The following AGMO variants were observed in gnomAD, a reference collection of about 807,000 sequenced individuals.
AGMO encodes the protein alkylglycerol monooxygenase.
Under a neutral mutation model 60.2 loss-of-function variants are expected in AGMO, and 75 were observed. That is an observed-to-expected ratio of 1.25 (90% CI 1.03 to 1.51). The LOEUF is 1.51. Ranked by LOEUF, AGMO falls within the 40% of genes most tolerant of loss-of-function variation. The pLI is 0.00. For missense variants in AGMO, 763 were observed against 525.5 expected (o/e 1.45, Z -4.42); for synonymous variants, 261 against 177.1 (o/e 1.47, Z -3.76).
At chr7:15,339,841 C>T (rs1209971511) in intron 12 of AGMO, among the ~76,000 whole-genome samples, 1 of 152,168 alleles carries the variant, frequency 6.6e-6, no homozygotes, top group Non-Finnish European at 1.5e-5. Flanking sequence ...TTTTTTAAAT[C>T]AAGTATCAAT....
intron 2 of AGMO, among the ~76,000 whole-genome samples, chr7:15,557,163 C>G (rs747530680): frequency 3.3e-5 from 5 of 151,944 alleles, no homozygotes; most frequent in Admixed American, 6.6e-5. Flanking sequence ...GGTTTTTCTT[C>G]AAAGTCTGCA....
intron 12 of AGMO, among the ~76,000 whole-genome samples, chr7:15,247,210 A>G (rs1782766906): frequency 6.6e-6 from 1 of 152,194 alleles, no homozygotes; most frequent in Admixed American, 6.5e-5. Flanking sequence ...GATGTTTATC[A>G]ATACTAATAA....
At chr7:15,358,221 T>C (rs1356888662) in intron 12 of AGMO, 1 of 199,954 alleles carries the variant, frequency 5.0e-6, no homozygotes, top group African/African-American at 2.4e-5. Flanking sequence ...GAATTGTCAG[T>C]GCACATTTAA....
At chr7:15,411,492 G>A (rs950259430) in intron 5 of AGMO, among the ~76,000 whole-genome samples, 17 of 151,986 alleles carry the variant, frequency 1.1e-4, no homozygotes, top group Admixed American at 1.1e-3. Context: ...TTAATGAAAT[G>A]ATTTACTTAT....
intron 6 of AGMO, 99 bp downstream of exon 6, chr7:15,394,014 T>C (rs1010499442): frequency 6.2e-6 from 5 of 811,782 alleles, no homozygotes; most frequent in East Asian, 6.1e-5. Flanking sequence ...AAATGTGTGC[T>C]GACTATATTG....
At chr7:15,247,414 TCACACACACACACACACA>T (rs71525649) in intron 12 of AGMO, among the ~76,000 whole-genome samples, 22 of 123,742 alleles carry the variant, frequency 1.8e-4, no homozygotes, top group Non-Finnish European at 2.8e-4. Flanking sequence ...CTTGGAGATT[TCACACACACACACACACA>T]CACACACACA....
chr7:15,298,892 C>A (rs1784476408), intron 12 of AGMO, among the ~76,000 whole-genome samples: 1 of 152,116 alleles, frequency 6.6e-6, no homozygotes, highest in South Asian at 2.1e-4. Context: ...CCCTCTAATT[C>A]ATCACTCTTT....
In AGMO at chr7:15,389,522, A is replaced by C. The variant is rs146433017; in HGVS notation, c.822+1149T>G. On this transcript the variant is annotated intron_variant, in intron 8 of 12. Transcript: ENST00000342526. ...AAATGCCATATAGTTGAGAAGAAAG[A>C]AGAGAGATAACCACCTTTCTTCTTT... is the stretch of plus-strand genomic sequence containing the variant. Among the ~76,000 whole-genome samples, 774 of 152,342 alleles carry C rather than the reference A, an allele frequency of 5.1e-3. 2 individuals carry two copies. Among genetic ancestry groups the C allele is most frequent in the African/African-American group, 0.01 (422 of 41,586 alleles).
intron 3 of AGMO, among the ~76,000 whole-genome samples, chr7:15,432,697 T>C (rs1269937894): frequency 2.6e-5 from 4 of 151,846 alleles, no homozygotes; most frequent in Non-Finnish European, 5.9e-5. Context: ...TTTTAATCAT[T>C]TGTAGGAAAG....
At chr7:15,350,638 G>A (rs570048808) in intron 12 of AGMO, among the ~76,000 whole-genome samples, 1 of 152,234 alleles carries the variant, frequency 6.6e-6, no homozygotes, top group South Asian at 2.1e-4. Flanking sequence ...AAAAGAGCTG[G>A]AATTTGTTCC....
At chr7:15,532,372 T>C (rs1784391751) in intron 3 of AGMO, among the ~76,000 whole-genome samples, 2 of 152,232 alleles carry the variant, frequency 1.3e-5, no homozygotes, top group Non-Finnish European at 2.9e-5. Flanking sequence ...ATTAAGGCTC[T>C]GGTGCATTAG....
intron 12 of AGMO, among the ~76,000 whole-genome samples, chr7:15,212,444 C>T (rs879517053): frequency 5.3e-5 from 8 of 151,806 alleles, no homozygotes; most frequent in Non-Finnish European, 7.4e-5. Context: ...GTGAGTAATA[C>T]GGCCCTGAGT....
At chr7:15,330,663 T>C (rs1781472032) in intron 12 of AGMO, among the ~76,000 whole-genome samples, 1 of 152,172 alleles carries the variant, frequency 6.6e-6, no homozygotes. Flanking sequence ...GAGAAATACA[T>C]TCTTACATAC....
the AGMO span, among the ~76,000 whole-genome samples, chr7:15,177,836 A>G: frequency 6.6e-6 from 1 of 151,938 alleles, no homozygotes; most frequent in Non-Finnish European, 1.5e-5. Flanking sequence ...CTATTGGGGG[A>G]TTGTTAAAAG....
intron 2 of AGMO, among the ~76,000 whole-genome samples, chr7:15,546,017 C>T (rs1404584094): frequency 1.3e-5 from 2 of 151,868 alleles, no homozygotes; most frequent in African/African-American, 4.8e-5. Flanking sequence ...ATTATACTAC[C>T]AAAATTTTTT....
chr7:15,179,405 C>G, the AGMO span, among the ~76,000 whole-genome samples: 8 of 152,136 alleles, frequency 5.3e-5, no homozygotes, highest in Admixed American at 5.2e-4. Context: ...AATAGACATT[C>G]CCATTCTGAA....
At chr7:15,312,144 A>C (rs1167139528) in intron 12 of AGMO, among the ~76,000 whole-genome samples, 1 of 152,098 alleles carries the variant, frequency 6.6e-6, no homozygotes, top group Non-Finnish European at 1.5e-5. Context: ...AGAAAGTCTA[A>C]CAAACATGTA....
chr7:15,179,698 G>A, the AGMO span, among the ~76,000 whole-genome samples: 2 of 152,148 alleles, frequency 1.3e-5, no homozygotes, highest in African/African-American at 2.4e-5. Context: ...CTGCCCTAGT[G>A]GAGATTCTGT....
rs551041008 is a variant in AGMO at position 15,305,756 on chromosome 7, A to C, written c.1263+59758T>G. ...ACTCGGTTTCTACTGTGTCATTATA[A>C]ATGAAGACTAGAATTCTAGAGAAAT... On this transcript the variant is annotated intron_variant, in intron 12 of 12. Coordinates refer to ENST00000342526, the MANE Select transcript of AGMO (RefSeq NM_001004320.2). Among the ~76,000 whole-genome samples the C allele has an allele frequency of 7.9e-5, 12 of 152,082 alleles. No individual in the cohort carries two copies. The South Asian group carries it at 2.5e-3, about 32-fold the overall frequency.
Sources: gnomAD v4.1 joint callset for allele counts (sites outside exome capture counted in the v4.1 genomes callset) on GRCh38, gnomAD v4.1.1 for gene constraint, MANE v1.5 for transcripts, NCBI Gene and HGNC (gene_info 2026-07-23, HGNC 2026-07-21) for gene names.